TEK: variants seen among roughly 807,000 people sequenced by gnomAD.
TEK encodes TEK receptor tyrosine kinase, also known as angiopoietin-1 receptor.
In TEK, 43 loss-of-function variants were observed where a neutral mutation model predicts 131.8. The ratio of observed to expected loss-of-function variants is 0.33; its 90% CI spans 0.26 to 0.42. The LOEUF is 0.42. Among genes scored for constraint, TEK ranks in the 10% least tolerant of loss-of-function variants. The pLI, the probability that TEK is intolerant of heterozygous loss-of-function variation, is 1.00. For missense variants in TEK, 1,162 were observed against 1,384.4 expected, an observed-to-expected ratio of 0.84 and a Z score of 2.55; for synonymous variants, 580 against 491.6, an observed-to-expected ratio of 1.18 and a Z score of -2.38.
chr9:27,177,555 A>G (rs1474815558), intron 6 of TEK, among the ~76,000 whole-genome samples: 1 of 152,186 alleles, frequency 6.6e-6, no homozygotes, highest in Non-Finnish European at 1.5e-5. Flanking sequence ...GTTCGAGACC[A>G]GCCTGACCAA....
chr9:27,229,024 G>A, intron 22 of TEK, 134 bp from the exon 23 acceptor site: 1 of 780,348 alleles, frequency 1.3e-6, no homozygotes, highest in Non-Finnish European at 2.3e-6. Flanking sequence ...AGGGACTGAG[G>A]ACAGAAAAGT....
intron 9 of TEK, among the ~76,000 whole-genome samples, chr9:27,189,633 C>CAG (rs1824732498): frequency 6.6e-6 from 1 of 152,090 alleles, no homozygotes; most frequent in Admixed American, 6.6e-5. Context: ...AGAGAAGGAT[C>CAG]AGAGAGGCCT....
intron 1 of TEK, among the ~76,000 whole-genome samples, chr9:27,122,313 A>T (rs1587480882): frequency 6.6e-6 from 1 of 152,190 alleles, no homozygotes; most frequent in Non-Finnish European, 1.5e-5. Context: ...GAGAGAAAAC[A>T]GGGATCTCAC....
intron 1 of TEK, among the ~76,000 whole-genome samples, chr9:27,153,234 G>A (rs887551677): frequency 3.3e-5 from 5 of 152,226 alleles, no homozygotes; most frequent in Admixed American, 6.5e-5. Context: ...GGATCACGAC[G>A]TCAGGAGTTC....
chr9:27,190,287 A>G (rs1484262876), intron 9 of TEK, among the ~76,000 whole-genome samples: 1 of 152,134 alleles, frequency 6.6e-6, no homozygotes, highest in Admixed American at 6.6e-5. Context: ...ATGTGATGAG[A>G]ATCCATTGAA....
chr9:27,188,842 ATAAG>A (rs1824698469), intron 9 of TEK, among the ~76,000 whole-genome samples: 1 of 152,174 alleles, frequency 6.6e-6, no homozygotes. Context: ...GAGCAAATAA[ATAAG>A]TAGAATGTAC....
In TEK at chr9:27,228,232, G is replaced by C; in HGVS notation, c.3227G>C (p.Arg1076Pro). The change falls in exon 22 of 23, where the codon CGG (arginine) becomes CCG (proline). Residue 1076 changes from arginine (R) to proline (P), a missense_variant. By Grantham distance (103) the Arg-to-Pro change is moderately radical. This residue lies in a region of TEK where 84 missense variants were observed against 80.3 expected (regional missense o/e 1.05). Transcript: ENST00000380036. Reference protein sequence around the residue: ...EVYDLMRQCWREKPYERPSFA... With the variant: ...EVYDLMRQCWPEKPYERPSFA... ...TATGATCTAATGAGACAATGCTGGC[G>C]GGAGAAGCCTTATGAGAGGCCATCA... The C allele has an allele frequency of 6.2e-7, 1 of 1,612,902 alleles. No homozygotes were observed. Among genetic ancestry groups the C allele is most frequent in the South Asian group, 1.1e-5 (1 of 91,046 alleles).
In TEK at chr9:27,168,551, A is replaced by G. The variant is rs1823827237; in HGVS notation, c.421A>G (p.Ile141Val). 2.5e-6 allele frequency: 4 copies of G among 1,613,996 alleles called. No homozygotes were observed. Among genetic ancestry groups the G allele is most frequent in the Admixed American group, 1.7e-5 (1 of 60,020 alleles). ...TGTGGACAAGGGAGATAACGTGAAC[A>G]TATCTTTCAAAAAGGTATTGATTAA... Reference protein sequence around the residue: ...MTVDKGDNVNISFKKVLIKEE... With the variant: ...MTVDKGDNVNVSFKKVLIKEE... The change falls in exon 3 of 23, where the codon ATA (isoleucine) becomes GTA (valine). Residue 141 changes from isoleucine (I) to valine (V), a missense_variant. By Grantham distance (29) the Ile-to-Val change is conservative. Coordinates refer to ENST00000380036, the MANE Select transcript of TEK (RefSeq NM_000459.5).
At chr9:27,118,060 C>T (rs1208287207) in intron 1 of TEK, among the ~76,000 whole-genome samples, 1 of 152,144 alleles carries the variant, frequency 6.6e-6, no homozygotes, top group Admixed American at 6.5e-5. Flanking sequence ...AGGCGTCTGG[C>T]TGCAGAGCCA....
At chr9:27,151,733 G>A (rs747186006) in intron 1 of TEK, among the ~76,000 whole-genome samples, 4 of 152,166 alleles carry the variant, frequency 2.6e-5, no homozygotes, top group Non-Finnish European at 5.9e-5. Flanking sequence ...TATATTCACT[G>A]CTGTGTCTCC....
intron 12 of TEK, 137 bp downstream of exon 12, chr9:27,197,736 C>G: frequency 1.9e-6 from 2 of 1,058,010 alleles, no homozygotes; most frequent in Non-Finnish European, 2.9e-6. Context: ...TAGTGCCCCC[C>G]ACCTAATCAT....
At chr9:27,111,414 G>A (rs1247387447) in intron 1 of TEK, among the ~76,000 whole-genome samples, 1 of 152,090 alleles carries the variant, frequency 6.6e-6, no homozygotes, top group Non-Finnish European at 1.5e-5. Context: ...ATAGGAGCCC[G>A]TTCCTCTAGT....
intron 21 of TEK, among the ~76,000 whole-genome samples, chr9:27,223,892 A>T (rs1001437433): frequency 6.6e-6 from 1 of 152,210 alleles, no homozygotes; most frequent in Non-Finnish European, 1.5e-5. Context: ...AAGAGAGAGA[A>T]CAATCAAATA....
At chr9:27,184,751 A>C (rs1824532759) in intron 8 of TEK, among the ~76,000 whole-genome samples, 2 of 152,122 alleles carry the variant, frequency 1.3e-5, no homozygotes. Context: ...CAAAAATGGC[A>C]AAGAGGCCAG....
chr9:27,161,877 A>G (rs925405106), intron 2 of TEK, among the ~76,000 whole-genome samples: 1 of 152,244 alleles, frequency 6.6e-6, no homozygotes, highest in African/African-American at 2.4e-5. Context: ...ACTATTACCA[A>G]TTACATTATC....
chr9:27,172,846 A>C, intron 5 of TEK, 99 bp downstream of exon 5: 21 of 1,502,590 alleles, frequency 1.4e-5, no homozygotes, highest in South Asian at 2.4e-5. Flanking sequence ...TGGACGCTAA[A>C]TGGCCTCTGT....
chr9:27,198,085 G>C (rs976859008), intron 12 of TEK, among the ~76,000 whole-genome samples: 1 of 151,900 alleles, frequency 6.6e-6, no homozygotes, highest in African/African-American at 2.4e-5. Flanking sequence ...TGCATTTCAG[G>C]CTTCTCAATT....
chr9:27,177,999 TGTC>T (rs1390424636), intron 6 of TEK, among the ~76,000 whole-genome samples: 1 of 152,218 alleles, frequency 6.6e-6, no homozygotes, highest in Non-Finnish European at 1.5e-5. Flanking sequence ...GTGCTTTTGT[TGTC>T]TGTGCTTTTG....
chr9:27,151,843 C>A (rs1406457834), intron 1 of TEK, among the ~76,000 whole-genome samples: 7 of 152,168 alleles, frequency 4.6e-5, no homozygotes, highest in Non-Finnish European at 1.0e-4. Context: ...GCTTTTTGAA[C>A]TGAAGATAAT....
Sources: allele counts gnomAD v4.1 joint callset (sites outside exome capture counted in the v4.1 genomes callset), GRCh38; gene constraint gnomAD v4.1.1; regional missense constraint gnomAD v4.1.1; transcripts MANE v1.5; gene names NCBI Gene and HGNC (gene_info 2026-07-23, HGNC 2026-07-21).